The following PARD3B variants were observed in gnomAD, a reference collection of about 807,000 sequenced individuals.
PARD3B encodes the protein par-3 family cell polarity regulator beta, also known as partitioning defective 3 homolog B.
A neutral mutation model predicts 130.2 loss-of-function variants in PARD3B; 103 were observed. The ratio of observed to expected loss-of-function variants is 0.79; its 90% CI spans 0.67 to 0.93. PARD3B has a LOEUF of 0.93. Ranked by LOEUF, PARD3B falls within the 40% of genes least tolerant of loss-of-function variation. The probability of loss-of-function intolerance (pLI) is 0.00; values close to 1 mark genes in which losing one functional copy is unlikely to be tolerated. For synonymous variants in PARD3B, 583 were observed against 553.2 expected, an observed-to-expected ratio of 1.05 and a Z score of -0.76; for missense variants, 1,609 against 1,499.2, an observed-to-expected ratio of 1.07 and a Z score of -1.21.
At chr2:205,424,367 A>G (rs1347232523) in intron 19 of PARD3B, among the ~76,000 whole-genome samples, 2 of 152,172 alleles carry the variant, frequency 1.3e-5, no homozygotes, top group South Asian at 2.1e-4. Flanking sequence ...TGGTACTTCT[A>G]GAGCTTTTCA....
chr2:205,329,153 G>T (rs2043029086), intron 18 of PARD3B, among the ~76,000 whole-genome samples: 1 of 152,128 alleles, frequency 6.6e-6, no homozygotes, highest in African/African-American at 2.4e-5. Context: ...TGAATGAGAT[G>T]CACTTCTACC....
intron 18 of PARD3B, among the ~76,000 whole-genome samples, chr2:205,347,307 C>A (rs2043829953): frequency 6.6e-6 from 1 of 151,976 alleles, no homozygotes; most frequent in Non-Finnish European, 1.5e-5. Flanking sequence ...TGGTTGTCTT[C>A]TTTAAAAAAT....
intron 15 of PARD3B, among the ~76,000 whole-genome samples, chr2:205,242,479 G>T (rs1031752987): frequency 6.6e-6 from 1 of 152,064 alleles, no homozygotes; most frequent in Non-Finnish European, 1.5e-5. Context: ...TAATAAAACC[G>T]TACAGTCTAG....
At position 205,196,527 on chromosome 2, in the gene PARD3B, C is replaced by T. The variant is rs528250008; in HGVS notation, c.2140+3207C>T. 1.2e-3 allele frequency among the ~76,000 whole-genome samples: 184 copies of T among 152,130 alleles called. 1 individual carries two copies. The highest frequency in any genetic ancestry group is 4.3e-3 in the African/African-American group (178 of 41,522). On this transcript the variant is annotated intron_variant, in intron 15 of 22. Transcript: ENST00000406610. ...ATATTTCTCATCATAAAAAAGGTTT[C>T]AGTCTTATTCTCAAATATTTTCATC...
At chr2:205,084,844 A>G (rs1701644567) in intron 4 of PARD3B, among the ~76,000 whole-genome samples, 1 of 151,834 alleles carries the variant, frequency 6.6e-6, no homozygotes, top group African/African-American at 2.4e-5. Context: ...TTTTTTCTCT[A>G]TATGTTCCTT....
intron 18 of PARD3B, among the ~76,000 whole-genome samples, chr2:205,335,067 A>G (rs1380413586): frequency 6.6e-6 from 1 of 152,210 alleles, no homozygotes; most frequent in Non-Finnish European, 1.5e-5. Context: ...ACAAGCCTAT[A>G]GTTTATGCCC....
At chr2:204,791,143 A>G (rs149852011) in intron 2 of PARD3B, among the ~76,000 whole-genome samples, 25 of 152,034 alleles carry the variant, frequency 1.6e-4, no homozygotes, top group Non-Finnish European at 2.9e-4. Context: ...ATGCCTCTTC[A>G]TGTTAGAATC....
At chr2:204,642,961 A>G (rs999443215) in intron 1 of PARD3B, among the ~76,000 whole-genome samples, 3 of 151,004 alleles carry the variant, frequency 2.0e-5, no homozygotes, top group Non-Finnish European at 4.4e-5. Context: ...AAAATACAAA[A>G]AAATTAGCCA....
chr2:205,312,088 C>T (rs533572001), intron 18 of PARD3B, among the ~76,000 whole-genome samples: 1 of 152,184 alleles, frequency 6.6e-6, no homozygotes, highest in Non-Finnish European at 1.5e-5. Context: ...ATACATTTCT[C>T]CTCTTTACCT....
chr2:204,730,136 A>G (rs2039441967), intron 2 of PARD3B, among the ~76,000 whole-genome samples: 1 of 151,964 alleles, frequency 6.6e-6, no homozygotes, highest in African/African-American at 2.4e-5. Flanking sequence ...GTGCAATGGC[A>G]CAATCTTGGC....
rs114567277 is a variant in PARD3B, at chr2:205,555,580, G to C, written c.3260+2177G>C. Among the ~76,000 whole-genome samples the C allele has an allele frequency of 4.7e-3, 714 of 152,244 alleles. 5 individuals carry two copies. The highest frequency in any genetic ancestry group is 0.016 in the African/African-American group (645 of 41,532). ...AGATAATACATTTATGCTGTTTATG[G>C]CTCTTTATGAATGTATGAATTGACA... On this transcript the variant is annotated intron_variant, in intron 22 of 22. Coordinates refer to ENST00000406610, the MANE Select transcript of PARD3B (RefSeq NM_001302769.2).
intron 2 of PARD3B, among the ~76,000 whole-genome samples, chr2:204,946,866 G>C (rs1689369168): frequency 6.6e-6 from 1 of 152,112 alleles, no homozygotes; most frequent in Admixed American, 6.5e-5. Flanking sequence ...CCCAAGAGGA[G>C]CTCATGTTCC....
At chr2:204,861,067 CT>C (rs2045163621) in intron 2 of PARD3B, among the ~76,000 whole-genome samples, 1 of 152,082 alleles carries the variant, frequency 6.6e-6, no homozygotes, top group African/African-American at 2.4e-5. Context: ...TCTGAAGCCA[CT>C]TATTACAAAT....
chr2:205,026,985 C>T (rs533959558), intron 3 of PARD3B, among the ~76,000 whole-genome samples: 57 of 152,192 alleles, frequency 3.7e-4, no homozygotes, highest in Middle Eastern at 3.4e-3. Context: ...ATTGAAGTAA[C>T]GCTGTAATGA....
chr2:204,855,538 C>G (rs2044893780), intron 2 of PARD3B, among the ~76,000 whole-genome samples: 1 of 133,946 alleles, frequency 7.5e-6, no homozygotes, highest in African/African-American at 3.2e-5. Context: ...AAGACTCCCT[C>G]TAAAAGAAAA....
rs189745282 is a variant in PARD3B at position 204,970,865 on chromosome 2, G to A, written c.394+5542G>A. Reference sequence around the variant, plus strand: ...CTCCTCTTGTGTGTTAAACTTTGAAGATGAGCTACTTTCTATTTGAAAGTG... The same window carrying A: ...CTCCTCTTGTGTGTTAAACTTTGAAAATGAGCTACTTTCTATTTGAAAGTG... On this transcript the variant is annotated intron_variant, in intron 3 of 22. Transcript: ENST00000406610. Among the ~76,000 whole-genome samples, 368 of 152,288 alleles carry A rather than the reference G, an allele frequency of 2.4e-3. 2 individuals are homozygous for A. The highest frequency in any genetic ancestry group is 8.0e-3 in the African/African-American group (331 of 41,568).
chr2:204,638,570 G>T (rs1185470759), intron 1 of PARD3B, among the ~76,000 whole-genome samples: 1 of 152,104 alleles, frequency 6.6e-6, no homozygotes, highest in Non-Finnish European at 1.5e-5. Context: ...AGTCATTCGA[G>T]ACTATAGTAG....
rs148331214 is a variant in PARD3B, at chr2:204,587,171, C to G, written c.120+41052C>G. ...GCCAATGGGACTATAGAGGATATGC[C>G]AGTGAGACAGAGAAGATATGACTTA... On this transcript the variant is annotated intron_variant, in intron 1 of 22. Coordinates refer to ENST00000406610, the MANE Select transcript of PARD3B (RefSeq NM_001302769.2). Among the ~76,000 whole-genome samples, 3 of 151,984 alleles carry G rather than the reference C, an allele frequency of 2.0e-5. No individual in the cohort carries two copies. In the East Asian group the frequency reaches 5.8e-4, roughly 29 times the overall value.
At chr2:204,885,421 G>T (rs1315562137) in intron 2 of PARD3B, among the ~76,000 whole-genome samples, 1 of 152,126 alleles carries the variant, frequency 6.6e-6, no homozygotes, top group Non-Finnish European at 1.5e-5. Flanking sequence ...CCATTCTGTA[G>T]GTTGTCTGTT....
Sources: allele counts gnomAD v4.1 joint callset (sites outside exome capture counted in the v4.1 genomes callset), GRCh38; gene constraint gnomAD v4.1.1; transcripts MANE v1.5; gene names NCBI Gene and HGNC (gene_info 2026-07-23, HGNC 2026-07-21).